IMMP2L: variants seen among roughly 807,000 people sequenced by gnomAD.
The protein encoded by IMMP2L is mitochondrial inner membrane protease subunit 2.
IMMP2L carries 18 observed loss-of-function variants against 19.3 expected under a neutral mutation model. The observed-to-expected ratio is 0.93, with a 90% CI of 0.64 to 1.38. IMMP2L has a LOEUF of 1.38. Ranked by LOEUF, IMMP2L falls within the 40% of genes most tolerant of loss-of-function variation. The pLI is 0.00. For missense variants in IMMP2L, 233 were observed against 218.2 expected (o/e 1.07, Z -0.43); for synonymous variants, 76 against 73.0 (o/e 1.04, Z -0.21).
rs777989070 is a variant in IMMP2L at position 111,213,774 on chromosome 7, T to C, written c.240-250209A>G. Among the ~76,000 whole-genome samples the C allele has an allele frequency of 2.0e-5, 3 of 152,188 alleles. No individual in the cohort carries two copies. The highest frequency in any genetic ancestry group is 4.8e-5 in the African/African-American group (2 of 41,454). On this transcript the variant is annotated intron_variant, in intron 3 of 5. Coordinates refer to ENST00000405709, the MANE Select transcript of IMMP2L (RefSeq NM_032549.4). The surrounding 1 kb of genome is among the most constrained non-coding windows in gnomAD (Gnocchi z 4.8). ...ACCCACACCAGAGTCTCCTATCTAA[T>C]GAGCGCTGAACATTTGAAGGAATGA... is the stretch of plus-strand genomic sequence containing the variant.
intron 3 of IMMP2L, among the ~76,000 whole-genome samples, chr7:111,322,846 G>A (rs1244673667): frequency 6.6e-6 from 1 of 151,304 alleles, no homozygotes; most frequent in Non-Finnish European, 1.5e-5. Context: ...ATTTTTTAAA[G>A]AAATAAAATG....
intron 3 of IMMP2L, among the ~76,000 whole-genome samples, chr7:111,095,462 A>T (rs2129578637): frequency 6.6e-6 from 1 of 152,096 alleles, no homozygotes. Flanking sequence ...AAAGAGAAAT[A>T]TTTATTCAGA....
Position 110,663,866 on chromosome 7 carries a change from T to C in IMMP2L, c.409-145A>G, listed in dbSNP as rs534640125. ...TAAAAAAAATAGTAAACACCTTTTG[T>C]AGCCATTGAAATACAAAGAAAAATA... is the stretch of plus-strand genomic sequence containing the variant. On this transcript the variant is annotated intron_variant, in intron 5 of 5. Coordinates refer to ENST00000405709, the MANE Select transcript of IMMP2L (RefSeq NM_032549.4). 2.4e-5 allele frequency: 13 copies of C among 538,506 alleles called. No homozygotes were observed. In the Admixed American group the frequency reaches 4.1e-4, roughly 17 times the overall value. 33.4% of individuals were successfully genotyped at this position (538,506 alleles called of 1,614,324 possible).
intron 5 of IMMP2L, among the ~76,000 whole-genome samples, chr7:110,771,514 G>A (rs1799031939): frequency 6.6e-6 from 1 of 152,074 alleles, no homozygotes; most frequent in Non-Finnish European, 1.5e-5. Context: ...GTGACCTTGG[G>A]CAAGTTACTT....
At chr7:111,024,048 A>G (rs1826563202) in intron 3 of IMMP2L, among the ~76,000 whole-genome samples, 1 of 152,194 alleles carries the variant, frequency 6.6e-6, no homozygotes, top group Admixed American at 6.5e-5. Context: ...TAGATCTGAA[A>G]TATTGGCCGT....
chr7:110,946,546 C>T (rs906245142), intron 4 of IMMP2L, among the ~76,000 whole-genome samples: 1 of 151,962 alleles, frequency 6.6e-6, no homozygotes, highest in Non-Finnish European at 1.5e-5. Flanking sequence ...CTTCAGGGAT[C>T]TAAAACCACC....
At chr7:111,545,726 A>G (rs1367339517) in intron 1 of IMMP2L, among the ~76,000 whole-genome samples, 1 of 152,040 alleles carries the variant, frequency 6.6e-6, no homozygotes, top group Non-Finnish European at 1.5e-5. Flanking sequence ...TCTATTCCCT[A>G]ATTTCTCAGA....
chr7:111,335,784 G>A (rs1826336997), intron 3 of IMMP2L, among the ~76,000 whole-genome samples: 1 of 152,092 alleles, frequency 6.6e-6, no homozygotes, highest in Non-Finnish European at 1.5e-5. Flanking sequence ...TTAAAGGTGT[G>A]TAATATGCAC....
intron 3 of IMMP2L, among the ~76,000 whole-genome samples, chr7:111,226,851 GAAGT>G (rs1401596231): frequency 6.6e-6 from 1 of 152,012 alleles, no homozygotes; most frequent in African/African-American, 2.4e-5. Flanking sequence ...GAAGGAAATG[GAAGT>G]AATATAGCAA....
chr7:110,847,317 C>T (rs147061735), intron 5 of IMMP2L, among the ~76,000 whole-genome samples: 1,699 of 152,228 alleles, frequency 0.011, 24 homozygotes, highest in South Asian at 0.043. Context: ...GTAATACATG[C>T]AAAGCACCTG....
At chr7:110,868,970 C>G (rs1808280662) in intron 5 of IMMP2L, among the ~76,000 whole-genome samples, 1 of 151,734 alleles carries the variant, frequency 6.6e-6, no homozygotes, top group Non-Finnish European at 1.5e-5. Context: ...TTTTAATATT[C>G]TCTTGGAAAA....
chr7:110,779,549 A>G (rs1799603949), intron 5 of IMMP2L, among the ~76,000 whole-genome samples: 1 of 151,902 alleles, frequency 6.6e-6, no homozygotes, highest in Non-Finnish European at 1.5e-5. Context: ...GTGTGTAGCT[A>G]GTTCTTAAAC....
At chr7:110,923,893 G>A (rs1183649783) in intron 4 of IMMP2L, among the ~76,000 whole-genome samples, 1 of 152,112 alleles carries the variant, frequency 6.6e-6, no homozygotes, top group Non-Finnish European at 1.5e-5. Context: ...TGCCCTACAG[G>A]TTATCTCACA....
At chr7:111,304,050 A>T (rs1822559803) in intron 3 of IMMP2L, among the ~76,000 whole-genome samples, 1 of 152,148 alleles carries the variant, frequency 6.6e-6, no homozygotes, top group South Asian at 2.1e-4. Context: ...GAATTTCCAT[A>T]TACTGTTAAT....
chr7:110,934,741 C>A (rs1049322773), intron 4 of IMMP2L, among the ~76,000 whole-genome samples: 1 of 152,148 alleles, frequency 6.6e-6, no homozygotes, highest in African/African-American at 2.4e-5. Context: ...GATCCCTTTA[C>A]CATTATGTAA....
intron 5 of IMMP2L, among the ~76,000 whole-genome samples, chr7:110,762,532 C>A: frequency 6.6e-6 from 1 of 152,124 alleles, no homozygotes; most frequent in Admixed American, 6.6e-5. Context: ...TTCTCCAAGT[C>A]ACCTTTGCTT....
intron 3 of IMMP2L, among the ~76,000 whole-genome samples, chr7:111,030,073 C>T (rs1024331944): frequency 6.6e-6 from 1 of 152,120 alleles, no homozygotes; most frequent in African/African-American, 2.4e-5. Context: ...TAGCTCATTC[C>T]AGCTCATTAC....
chr7:110,859,534 G>A (rs964673770), intron 5 of IMMP2L, among the ~76,000 whole-genome samples: 1 of 151,736 alleles, frequency 6.6e-6, no homozygotes, highest in African/African-American at 2.4e-5. Context: ...CTTGAGCTCA[G>A]GAGTTCGAGA....
At chr7:110,750,753 C>T (rs1797668174) in intron 5 of IMMP2L, among the ~76,000 whole-genome samples, 1 of 151,992 alleles carries the variant, frequency 6.6e-6, no homozygotes, top group Non-Finnish European at 1.5e-5. Flanking sequence ...ACACAGGCCA[C>T]ATTAATGATA....
Sources: gnomAD v4.1 joint callset for allele counts (sites outside exome capture counted in the v4.1 genomes callset) on GRCh38, gnomAD v4.1.1 for gene constraint, Gnocchi (gnomAD v3.1) non-coding constraint, MANE v1.5 for transcripts, NCBI Gene and HGNC (gene_info 2026-07-23, HGNC 2026-07-21) for gene names.